LRRC40: variants seen among roughly 807,000 people sequenced by gnomAD.
LRRC40 encodes leucine-rich repeat-containing protein 40.
A neutral mutation model predicts 72.8 loss-of-function variants in LRRC40; 76 were observed. That is an observed-to-expected ratio of 1.04 (90% CI 0.87 to 1.26). The LOEUF (loss-of-function observed/expected upper bound fraction) is 1.26, where lower values mean the gene tolerates loss of function less well. Among genes scored for constraint, LRRC40 ranks in the 50% most tolerant of loss-of-function variants. LRRC40 has a pLI of 0.00. For missense variants in LRRC40, 684 were observed against 698.9 expected (o/e 0.98, Z 0.24); for synonymous variants, 243 against 254.2 (o/e 0.96, Z 0.42).
chr1:70,193,577 T>C (rs1338996209), intron 1 of LRRC40, among the ~76,000 whole-genome samples: 1 of 151,924 alleles, frequency 6.6e-6, no homozygotes, highest in African/African-American at 2.4e-5. Flanking sequence ...TTTCAAAACA[T>C]AGAGAAAAGA....
chr1:70,178,232 T>G (rs1668152776), intron 6 of LRRC40, among the ~76,000 whole-genome samples: 1 of 152,300 alleles, frequency 6.6e-6, no homozygotes, highest in African/African-American at 2.4e-5. Flanking sequence ...TTACCTAACA[T>G]TTTCATTAGT....
intron 1 of LRRC40, among the ~76,000 whole-genome samples, chr1:70,203,983 C>T (rs1024271506): frequency 2.0e-5 from 3 of 152,162 alleles, no homozygotes; most frequent in Admixed American, 6.5e-5. Context: ...GCTGTTTATT[C>T]ACTCATTTAA....
Position 70,184,815 on chromosome 1 carries a change from T to C in LRRC40, c.507A>G (p.Gly169=). 1 of 1,607,754 alleles carries C rather than the reference T, an allele frequency of 6.2e-7. No individual in the cohort carries two copies. Among genetic ancestry groups the C allele is most frequent in the Non-Finnish European group, 8.5e-7 (1 of 1,178,196 alleles). ...QHNELTCISE[G]FEQLSNLEDL... is the part of the protein sequence containing the mutation. ...CTTCTAAATTGGAAAGTTGTTCAAA[T>C]CCCTCTGATATGCAGGTTAATTCAT... The change falls in exon 4 of 15, where the codon GGA becomes GGG. Residue 169 remains glycine (G), a synonymous_variant. Coordinates refer to ENST00000370952, the MANE Select transcript of LRRC40 (RefSeq NM_017768.5).
intron 9 of LRRC40, among the ~76,000 whole-genome samples, chr1:70,166,922 AG>A (rs1667893624): frequency 2.0e-5 from 3 of 152,096 alleles, no homozygotes; most frequent in Admixed American, 2.0e-4. Flanking sequence ...AGGAAAAAAA[AG>A]AAAAAAGAAA....
intron 1 of LRRC40, among the ~76,000 whole-genome samples, chr1:70,196,356 C>A (rs888517750): frequency 6.6e-6 from 1 of 152,038 alleles, no homozygotes; most frequent in Non-Finnish European, 1.5e-5. Flanking sequence ...TTGAGACCAA[C>A]CTGGGAAAAA....
At chr1:70,156,126 G>A (rs1457347035) in intron 10 of LRRC40, among the ~76,000 whole-genome samples, 3 of 152,082 alleles carry the variant, frequency 2.0e-5, no homozygotes, top group African/African-American at 7.2e-5. Context: ...CCTCTGAGTA[G>A]AATTAAATCT....
At chr1:70,189,297 GGA>G in intron 1 of LRRC40, 24 bp from the exon 2 acceptor site, 51 of 770,490 alleles carry the variant, frequency 6.6e-5, no homozygotes, top group Admixed American at 2.0e-4. Context: ...CACCACACCA[GGA>G]AAAAAAAAAA....
chr1:70,188,155 T>TA (rs1457842792), intron 2 of LRRC40, among the ~76,000 whole-genome samples: 1 of 151,950 alleles, frequency 6.6e-6, no homozygotes, highest in Non-Finnish European at 1.5e-5. Context: ...ATGAAGAAAA[T>TA]AAAAAGTTCC....
intron 1 of LRRC40, among the ~76,000 whole-genome samples, chr1:70,194,427 A>C (rs987986326): frequency 6.6e-6 from 1 of 152,132 alleles, no homozygotes; most frequent in Non-Finnish European, 1.5e-5. Context: ...TGCTGTGAAA[A>C]CTTGAAGGTC....
intron 14 of LRRC40, chr1:70,147,095 A>G (rs1487052629): frequency 6.6e-6 from 1 of 152,190 alleles, no homozygotes; most frequent in African/African-American, 2.4e-5. Context: ...CCTACTCACT[A>G]AAGTTTATAC....
At chr1:70,145,946 T>A (rs756019341) in intron 14 of LRRC40, 41 bp from the exon 15 acceptor site, 3 of 973,160 alleles carry the variant, frequency 3.1e-6, no homozygotes, top group Admixed American at 4.4e-5. Flanking sequence ...ACATTTTCCA[T>A]TAACAAGGTT....
At chr1:70,182,149 T>C (rs1668260139) in intron 4 of LRRC40, among the ~76,000 whole-genome samples, 1 of 151,968 alleles carries the variant, frequency 6.6e-6, no homozygotes, top group Admixed American at 6.6e-5. Context: ...TTATAATTAT[T>C]TTATAACAAT....
chr1:70,168,444 G>C (rs1329334737), intron 9 of LRRC40, among the ~76,000 whole-genome samples: 1 of 152,204 alleles, frequency 6.6e-6, no homozygotes, highest in Non-Finnish European at 1.5e-5. Flanking sequence ...AGAGAAGCTT[G>C]CCATCTTCCA....
intron 14 of LRRC40, among the ~76,000 whole-genome samples, chr1:70,147,654 C>T (rs1016780941): frequency 6.6e-6 from 1 of 152,098 alleles, no homozygotes; most frequent in Non-Finnish European, 1.5e-5. Flanking sequence ...ATAACTGCCA[C>T]AAAGAATAAG....
intron 3 of LRRC40, 119 bp downstream of exon 3, chr1:70,187,146 C>A: frequency 1.9e-6 from 1 of 538,070 alleles, no homozygotes. Context: ...AATTCTTATT[C>A]TGCTTTAACT....
chr1:70,187,117 A>G (rs1401313194), intron 3 of LRRC40, 148 bp downstream of exon 3: 1 of 490,088 alleles, frequency 2.0e-6, no homozygotes, highest in Non-Finnish European at 3.7e-6. Context: ...ACTAAGAATT[A>G]AAGCTTTAAA....
Position 70,151,150 on chromosome 1 carries a change from T to A in LRRC40, c.1495A>T (p.Thr499Ser), listed in dbSNP as rs1046528066. Residue 499 changes from threonine to serine, a missense_variant, in exon 13 of 15, where the codon ACG becomes TCG. Coordinates refer to ENST00000370952, the MANE Select transcript of LRRC40 (RefSeq NM_017768.5). ...EEMESLVRLQ[T>S]INLSFNRFKM... ...TACCTATTAAAGGAAAGATTGATCGTTTGCAGTCTTACCAGTGATTCCATT... is the reference window on the plus strand; with the variant it reads ...TACCTATTAAAGGAAAGATTGATCGATTGCAGTCTTACCAGTGATTCCATT... 2 of 1,583,412 alleles carry A rather than the reference T, an allele frequency of 1.3e-6. No individual in the cohort carries two copies. The highest frequency in any genetic ancestry group is 4.5e-5 in the East Asian group (2 of 44,544).
intron 13 of LRRC40, among the ~76,000 whole-genome samples, chr1:70,150,108 G>A (rs1342444169): frequency 6.6e-6 from 1 of 151,984 alleles, no homozygotes; most frequent in Non-Finnish European, 1.5e-5. Context: ...TAGTAGAGAT[G>A]GAGTTTCACC....
intron 13 of LRRC40, among the ~76,000 whole-genome samples, chr1:70,149,015 CT>C (rs1667394017): frequency 6.6e-6 from 1 of 152,060 alleles, no homozygotes; most frequent in South Asian, 2.1e-4. Context: ...TTCACTTTTA[CT>C]TCTTATGAAA....
Sources: allele counts gnomAD v4.1 joint callset (sites outside exome capture counted in the v4.1 genomes callset), GRCh38; gene constraint gnomAD v4.1.1; transcripts MANE v1.5; gene names NCBI Gene and HGNC (gene_info 2026-07-23, HGNC 2026-07-21).